Variants in SLC25A21 observed in about 807,000 individuals in gnomAD.
The protein encoded by SLC25A21 is mitochondrial 2-oxodicarboxylate carrier.
A neutral mutation model predicts 43.8 loss-of-function variants in SLC25A21; 47 were observed. That is an observed-to-expected ratio of 1.07 (90% CI 0.85 to 1.37). SLC25A21 has a LOEUF of 1.37. Among genes scored for constraint, SLC25A21 ranks in the 40% most tolerant of loss-of-function variants. The pLI, the probability that SLC25A21 is intolerant of heterozygous loss-of-function variation, is 0.00. For synonymous variants in SLC25A21, 131 were observed against 121.3 expected (o/e 1.08, Z -0.52); for missense variants, 352 against 350.2 (o/e 1.00, Z -0.04).
rs538705045 is a variant in SLC25A21 at position 37,129,222 on chromosome 14, A to G, written c.70+43059T>C. On this transcript the variant is annotated intron_variant, in intron 1 of 9. Transcript: ENST00000331299. The stretch of plus-strand genomic sequence containing the variant: ...AACACTGACTCATAACACTCACATA[A>G]TAACAGCTATACTCCACAGTCTCAT... Among the ~76,000 whole-genome samples the G allele has an allele frequency of 3.3e-5, 5 of 152,306 alleles. No individual in the cohort carries two copies. The East Asian group carries it at 9.7e-4, about 29-fold the overall frequency.
At chr14:37,100,843 T>C (rs952602027) in intron 1 of SLC25A21, among the ~76,000 whole-genome samples, 2 of 152,180 alleles carry the variant, frequency 1.3e-5, no homozygotes, top group African/African-American at 4.8e-5. Context: ...ATACCTATTA[T>C]TGGGTGATTG....
At chr14:37,100,588 T>C (rs545898180) in intron 1 of SLC25A21, among the ~76,000 whole-genome samples, 3 of 152,246 alleles carry the variant, frequency 2.0e-5, no homozygotes, top group Non-Finnish European at 2.9e-5. Flanking sequence ...TTCTAGGCAC[T>C]AGGAACACGG....
Position 36,872,470 on chromosome 14 carries a change from T to C in SLC25A21, c.119+2486A>G, listed in dbSNP as rs1174809364. On this transcript the variant is annotated intron_variant, in intron 2 of 9. Coordinates refer to ENST00000331299, the MANE Select transcript of SLC25A21 (RefSeq NM_030631.4). ...GTGATGGTGAAGAGGTTCCCACATG[T>C]GAGTCTGCTCCTGCCTACTTGATGT... 5.9e-5 allele frequency among the ~76,000 whole-genome samples: 9 copies of C among 152,302 alleles called. No individual in the cohort carries two copies. In the East Asian group the frequency reaches 1.7e-3, roughly 29 times the overall value.
intron 4 of SLC25A21, among the ~76,000 whole-genome samples, chr14:36,734,083 G>C (rs532315446): frequency 5.9e-5 from 9 of 152,112 alleles, no homozygotes; most frequent in Non-Finnish European, 1.2e-4. Flanking sequence ...ATGGTATATT[G>C]GTTTACTCTG....
intron 1 of SLC25A21, among the ~76,000 whole-genome samples, chr14:36,908,677 C>A (rs1891599774): frequency 6.6e-6 from 1 of 152,058 alleles, no homozygotes; most frequent in African/African-American, 2.4e-5. Context: ...AAATTTAAAT[C>A]TAAATAGCCA....
chr14:36,864,020 G>T (rs1002855682), intron 2 of SLC25A21, among the ~76,000 whole-genome samples: 1 of 152,182 alleles, frequency 6.6e-6, no homozygotes, highest in African/African-American at 2.4e-5. Context: ...TAATACCAAT[G>T]AAATCTCTTC....
At chr14:37,057,226 A>G (rs985270946) in intron 1 of SLC25A21, among the ~76,000 whole-genome samples, 5 of 152,160 alleles carry the variant, frequency 3.3e-5, no homozygotes, top group African/African-American at 1.2e-4. Flanking sequence ...GACGTTCCTC[A>G]CCCAGCTCAT....
chr14:37,057,545 T>A (rs1961857649), intron 1 of SLC25A21, among the ~76,000 whole-genome samples: 3 of 152,198 alleles, frequency 2.0e-5, no homozygotes, highest in Admixed American at 2.0e-4. Flanking sequence ...TCATTAGACA[T>A]TCAGCAACAG....
At chr14:36,732,682 T>C (rs1884878223) in intron 4 of SLC25A21, among the ~76,000 whole-genome samples, 1 of 152,174 alleles carries the variant, frequency 6.6e-6, no homozygotes, top group Admixed American at 6.5e-5. Context: ...TGAATATTTT[T>C]TTTCTTTGAT....
At chr14:37,003,184 A>G (rs1209560862) in intron 1 of SLC25A21, among the ~76,000 whole-genome samples, 1 of 152,202 alleles carries the variant, frequency 6.6e-6, no homozygotes, top group Admixed American at 6.6e-5. Flanking sequence ...AATTGAGAAC[A>G]ATAAAATAGA....
intron 1 of SLC25A21, among the ~76,000 whole-genome samples, chr14:36,943,284 C>T (rs928737017): frequency 6.6e-5 from 10 of 152,202 alleles, no homozygotes; most frequent in African/African-American, 1.4e-4. Context: ...CTCTGCCTCC[C>T]GGGTTCAAGT....
At chr14:36,955,796 C>T (rs939128791) in intron 1 of SLC25A21, among the ~76,000 whole-genome samples, 1 of 151,870 alleles carries the variant, frequency 6.6e-6, no homozygotes, top group Admixed American at 6.6e-5. Context: ...ATCTGTGAAA[C>T]AACTTAAGAA....
intron 1 of SLC25A21, among the ~76,000 whole-genome samples, chr14:37,148,937 C>A (rs539200807): frequency 6.6e-6 from 1 of 152,308 alleles, no homozygotes; most frequent in African/African-American, 2.4e-5. Flanking sequence ...TGCTGGATGA[C>A]GGCTATTTAA....
chr14:36,997,591 A>G (rs1594744563), intron 1 of SLC25A21, among the ~76,000 whole-genome samples: 1 of 152,106 alleles, frequency 6.6e-6, no homozygotes, highest in Non-Finnish European at 1.5e-5. Context: ...CACTTTGGGA[A>G]GCTGAGGTGG....
chr14:37,058,606 T>C, intron 1 of SLC25A21, among the ~76,000 whole-genome samples: 1 of 152,222 alleles, frequency 6.6e-6, no homozygotes, highest in Non-Finnish European at 1.5e-5. Flanking sequence ...TAGATTCTAT[T>C]CTGCCACTGG....
chr14:37,102,618 A>C (rs1056673446), intron 1 of SLC25A21, among the ~76,000 whole-genome samples: 7 of 152,170 alleles, frequency 4.6e-5, no homozygotes. Context: ...CAAATAAAAA[A>C]TTCAGAACTG....
intron 1 of SLC25A21, among the ~76,000 whole-genome samples, chr14:37,021,841 T>C (rs946199595): frequency 6.6e-6 from 1 of 151,956 alleles, no homozygotes; most frequent in Non-Finnish European, 1.5e-5. Context: ...GAAAAAAGTA[T>C]ATACAAAGGA....
At chr14:37,067,363 A>T (rs2138820261) in intron 1 of SLC25A21, among the ~76,000 whole-genome samples, 1 of 152,328 alleles carries the variant, frequency 6.6e-6, no homozygotes, top group Middle Eastern at 3.4e-3. Context: ...CACAAAAACA[A>T]CAGCAAAAGC....
At chr14:37,042,087 T>C (rs1382199915) in intron 1 of SLC25A21, among the ~76,000 whole-genome samples, 1 of 152,178 alleles carries the variant, frequency 6.6e-6, no homozygotes, top group Non-Finnish European at 1.5e-5. Flanking sequence ...CCATAATACA[T>C]TACGGGGTAA....
Sources: gnomAD v4.1 joint callset for allele counts (sites outside exome capture counted in the v4.1 genomes callset) on GRCh38, gnomAD v4.1.1 for gene constraint, MANE v1.5 for transcripts, NCBI Gene and HGNC (gene_info 2026-07-23, HGNC 2026-07-21) for gene names.